The following SLC16A4 variants were observed in gnomAD, a reference collection of about 807,000 sequenced individuals.
SLC16A4 encodes the protein probable monocarboxylate transporter 5.
SLC16A4 carries 39 observed loss-of-function variants against 47.9 expected under a neutral mutation model. The observed-to-expected ratio is 0.81, with a 90% CI of 0.63 to 1.06. The LOEUF (loss-of-function observed/expected upper bound fraction) is 1.06. SLC16A4 is among the 50% of genes least tolerant of loss of function. The pLI is 0.00. For missense variants in SLC16A4, 524 were observed against 573.8 expected (o/e 0.91, Z 0.89); for synonymous variants, 189 against 199.9 (o/e 0.95, Z 0.46).
chr1:110,384,551 G>A (rs1251107886), intron 2 of SLC16A4, among the ~76,000 whole-genome samples: 3 of 152,120 alleles, frequency 2.0e-5, no homozygotes, highest in Non-Finnish European at 4.4e-5. Context: ...CCTTCTTTCC[G>A]TTTTTAAGTA....
rs758795579 is a variant in SLC16A4, at chr1:110,379,233, GCAGA to G, written c.646_649del (p.Ser216HisfsTer36). On this transcript the variant is annotated frameshift_variant, in exon 6 of 9. Coordinates refer to ENST00000369779, the MANE Select transcript of SLC16A4 (RefSeq NM_004696.3). LOFTEE classifies it high-confidence loss of function. ...TGTTGCATGTGCCTCTGGACCATGTGCAGACAAACTGCTGCCTTTATCTTTAATA... is the reference window on the plus strand; with the variant it reads ...TGTTGCATGTGCCTCTGGACCATGTGCAAACTGCTGCCTTTATCTTTAATA... 1.2e-6 allele frequency: 2 copies of G among 1,614,060 alleles called. No homozygotes were observed. The highest frequency in any genetic ancestry group is 2.7e-5 in the African/African-American group (2 of 74,912).
intron 2 of SLC16A4, among the ~76,000 whole-genome samples, chr1:110,386,931 T>C (rs1313569919): frequency 1.3e-5 from 2 of 152,230 alleles, no homozygotes; most frequent in Non-Finnish European, 2.9e-5. Context: ...CAATAGAGTC[T>C]TGTTATTTCT....
At chr1:110,384,064 T>C (rs148398072) in intron 2 of SLC16A4, among the ~76,000 whole-genome samples, 175 of 152,208 alleles carry the variant, frequency 1.1e-3, no homozygotes, top group African/African-American at 4.1e-3. Flanking sequence ...TTGCTTAAAA[T>C]AGGGGTACTG....
chr1:110,390,828 A>G (rs1663001554), intron 1 of SLC16A4, 37 bp downstream of exon 1: 1 of 152,220 alleles, frequency 6.6e-6, no homozygotes, highest in Non-Finnish European at 1.5e-5. Flanking sequence ...TCGTTGTTAG[A>G]AAACCAACCC....
intron 2 of SLC16A4, among the ~76,000 whole-genome samples, chr1:110,386,618 C>G (rs542962510): frequency 2.1e-4 from 32 of 152,306 alleles, no homozygotes; most frequent in African/African-American, 7.0e-4. Flanking sequence ...CTCACTAGAT[C>G]ATTTTAATTA....
At chr1:110,364,498 GCT>G (rs1570623274) in intron 8 of SLC16A4, among the ~76,000 whole-genome samples, 1 of 113,380 alleles carries the variant, frequency 8.8e-6, no homozygotes, top group East Asian at 2.8e-4. Flanking sequence ...AAATCTAAAT[GCT>G]TTTTTTTTTT....
intron 4 of SLC16A4, 61 bp from the exon 5 acceptor site, chr1:110,381,204 A>C: frequency 6.7e-7 from 1 of 1,500,870 alleles, no homozygotes; most frequent in Middle Eastern, 1.7e-4. Flanking sequence ...GTAACAGAAA[A>C]GATAATCTCC....
intron 8 of SLC16A4, among the ~76,000 whole-genome samples, chr1:110,373,748 G>A (rs1160047819): frequency 6.7e-6 from 1 of 148,740 alleles, no homozygotes; most frequent in Non-Finnish European, 1.5e-5. Flanking sequence ...GCATGATCAA[G>A]GCTCACTGCA....
intron 8 of SLC16A4, among the ~76,000 whole-genome samples, chr1:110,366,682 G>T (rs1343364453): frequency 6.6e-6 from 1 of 152,160 alleles, no homozygotes; most frequent in Admixed American, 6.5e-5. Flanking sequence ...ATATAGCCTA[G>T]GTGTGTGTAG....
chr1:110,382,270 C>A (rs574902553), intron 3 of SLC16A4, among the ~76,000 whole-genome samples: 90 of 152,240 alleles, frequency 5.9e-4, no homozygotes, highest in African/African-American at 2.1e-3. Flanking sequence ...ACCAGCCTGG[C>A]CAACATGGTG....
At chr1:110,386,772 G>A (rs1008045273) in intron 2 of SLC16A4, among the ~76,000 whole-genome samples, 1 of 152,116 alleles carries the variant, frequency 6.6e-6, no homozygotes, top group Non-Finnish European at 1.5e-5. Flanking sequence ...GACCTTCACA[G>A]GCAAACTTCT....
In SLC16A4 at chr1:110,373,163, A is replaced by G. The variant is rs141754645; in HGVS notation, c.1336+2295T>C. On this transcript the variant is annotated intron_variant, in intron 8 of 8. Transcript: ENST00000369779. ...TCTCGGAGTATTGAACTATTTAAAC[A>G]TTTTATTTTAAGAAGTATACAAAGA... is the stretch of plus-strand genomic sequence containing the variant. Among the ~76,000 whole-genome samples, 590 of 152,270 alleles carry G rather than the reference A, an allele frequency of 3.9e-3. 4 individuals are homozygous for G. Among genetic ancestry groups the G allele is most frequent in the African/African-American group, 0.014 (566 of 41,562 alleles).
intron 5 of SLC16A4, among the ~76,000 whole-genome samples, chr1:110,380,575 A>G (rs1391640690): frequency 7.2e-6 from 1 of 139,070 alleles, no homozygotes; most frequent in Non-Finnish European, 1.5e-5. Context: ...GAGTTTTTTT[A>G]AATGCAGATT....
chr1:110,381,093 A>G lies in SLC16A4; in HGVS notation c.415T>C (p.Tyr139His), dbSNP rs1570648871. 4 of 1,614,046 alleles carry G rather than the reference A, an allele frequency of 2.5e-6. No homozygotes were observed. In the South Asian group the frequency reaches 3.3e-5, roughly 13 times the overall value. ...YQVAAVVTTK[Y>H]FKKRLALSTA... ...GAAAGAGCCAATCGTTTTTTGAAGT[A>G]TTTGGTAGTTACCACAGCAGCCACT... The change falls in exon 5 of 9, where the codon TAC becomes CAC. Residue 139 changes from tyrosine to histidine, a missense_variant. Physicochemically the swap from Tyr to His is moderately conservative, Grantham distance 83. Transcript: ENST00000369779.
Position 110,377,117 on chromosome 1 carries a change from C to A in SLC16A4, c.1075G>T (p.Asp359Tyr). The A allele has an allele frequency of 6.2e-7, 1 of 1,614,104 alleles. No individual in the cohort carries two copies. The highest frequency in any genetic ancestry group is 1.1e-5 in the South Asian group (1 of 91,058). ...VSQIISGWVA[D>Y]QNWIKKYHYH... is the part of the protein sequence containing the mutation. The stretch of plus-strand genomic sequence containing the variant: ...TGATACTTCTTAATCCAGTTTTGAT[C>A]AGCAACCCATCCAGAAATAATCTGA... The change falls in exon 7 of 9, where the codon GAT (aspartate) becomes TAT (tyrosine). Residue 359 changes from aspartate (D) to tyrosine (Y), a missense_variant. Coordinates refer to ENST00000369779, the MANE Select transcript of SLC16A4 (RefSeq NM_004696.3).
chr1:110,381,004 C>T lies in SLC16A4; in HGVS notation c.504G>A (p.Leu168=). ...TACCTGTCCAGTCATACAGATCTAT[C>T]AGGAATTTTGTAAAGGGTGCCAAAA... The part of the protein sequence containing the change: ...TFLLAPFTKF[L]IDLYDWTGAL... Residue 168 remains leucine (L), a synonymous_variant, in exon 5 of 9, where the codon CTG becomes CTA. Coordinates refer to ENST00000369779, the MANE Select transcript of SLC16A4 (RefSeq NM_004696.3). 3.7e-6 allele frequency: 6 copies of T among 1,614,040 alleles called. No individual in the cohort carries two copies. The highest frequency in any genetic ancestry group is 5.1e-6 in the Non-Finnish European group (6 of 1,179,958).
chr1:110,383,591 G>C (rs1196036276), intron 2 of SLC16A4, among the ~76,000 whole-genome samples: 1 of 152,088 alleles, frequency 6.6e-6, no homozygotes, highest in South Asian at 2.1e-4. Context: ...TGCAGGGCCT[G>C]CAAATTATCT....
chr1:110,366,419 T>C (rs1350891069), intron 8 of SLC16A4, among the ~76,000 whole-genome samples: 1 of 152,146 alleles, frequency 6.6e-6, no homozygotes, highest in Non-Finnish European at 1.5e-5. Flanking sequence ...CTCAGCCTTC[T>C]AAAGTGCTTG....
chr1:110,366,838 A>G (rs1246336269), intron 8 of SLC16A4, among the ~76,000 whole-genome samples: 1 of 152,204 alleles, frequency 6.6e-6, no homozygotes, highest in African/African-American at 2.4e-5. Context: ...ATGTATTTCC[A>G]TGCAAAATTA....
Sources: gnomAD v4.1 joint callset for allele counts (sites outside exome capture counted in the v4.1 genomes callset) on GRCh38, gnomAD v4.1.1 for gene constraint, MANE v1.5 for transcripts, NCBI Gene and HGNC (gene_info 2026-07-23, HGNC 2026-07-21) for gene names.